Variants in STIP1 observed in about 807,000 individuals in gnomAD.
The protein encoded by STIP1 is stress induced phosphoprotein 1.
STIP1 carries 16 observed loss-of-function variants against 77.4 expected under a neutral mutation model. The observed-to-expected ratio is 0.21, with a 90% CI of 0.14 to 0.31. The LOEUF (loss-of-function observed/expected upper bound fraction) is 0.31, where lower values mean the gene tolerates loss of function less well. Among genes scored for constraint, STIP1 ranks in the 10% least tolerant of loss-of-function variants. STIP1 has a pLI of 1.00. For synonymous variants in STIP1, 258 were observed against 246.6 expected, an observed-to-expected ratio of 1.05 and a Z score of -0.44; for missense variants, 524 against 684.8, an observed-to-expected ratio of 0.77 and a Z score of 2.62.
intron 8 of STIP1, among the ~76,000 whole-genome samples, chr11:64,199,506 CA>C (rs148843567): frequency 0.13 from 13,453 of 100,318 alleles, 874 homozygotes; most frequent in Non-Finnish European, 0.19. Context: ...GACTCTATCT[CA>C]AAAAAAAAAA....
At chr11:64,185,780 C>G (rs771087974), upstream of STIP1, 37 of 1,532,374 alleles carry the variant, frequency 2.4e-5, no homozygotes. Flanking sequence ...AGTTGGCAAC[C>G]CTCCGCCCAA....
At chr11:64,198,435 A>G (rs1946175351) in intron 8 of STIP1, among the ~76,000 whole-genome samples, 1 of 151,102 alleles carries the variant, frequency 6.6e-6, no homozygotes, top group East Asian at 1.9e-4. Flanking sequence ...CTGGTCTCAA[A>G]CTCCTGACCT....
At chr11:64,199,493 C>T (rs1443328035) in intron 8 of STIP1, among the ~76,000 whole-genome samples, 4 of 123,864 alleles carry the variant, frequency 3.2e-5, no homozygotes, top group African/African-American at 6.1e-5. Flanking sequence ...GGCGACAGAG[C>T]GAGACTCTAT....
intron 1 of STIP1, among the ~76,000 whole-genome samples, chr11:64,187,311 C>T (rs927148910): frequency 6.6e-6 from 1 of 152,144 alleles, no homozygotes; most frequent in Non-Finnish European, 1.5e-5. Flanking sequence ...CTACCAACCT[C>T]CGAGAAATCA....
intron 4 of STIP1, among the ~76,000 whole-genome samples, chr11:64,195,294 A>C (rs2134794605): frequency 6.6e-6 from 1 of 152,024 alleles, no homozygotes; most frequent in East Asian, 1.9e-4. Context: ...TTGTATGTTT[A>C]GTAGTAGCGG....
chr11:64,194,148 C>T (rs755309350), intron 2 of STIP1, 41 bp from the exon 3 acceptor site: 3 of 1,585,096 alleles, frequency 1.9e-6, no homozygotes, highest in East Asian at 2.2e-5. Flanking sequence ...AGATTTACCT[C>T]TGGGTGTTCT....
chr11:64,195,008 T>C (rs1397091352), intron 4 of STIP1, among the ~76,000 whole-genome samples: 1 of 152,228 alleles, frequency 6.6e-6, no homozygotes, highest in Non-Finnish European at 1.5e-5. Flanking sequence ...ATCCTCTGGC[T>C]CCTGAGATCA....
chr11:64,204,017 G>A (rs781169775), intron 13 of STIP1, 37 bp from the exon 14 acceptor site: 3 of 1,608,868 alleles, frequency 1.9e-6, no homozygotes, highest in East Asian at 2.2e-5. Context: ...GACTTTAAAG[G>A]TTGTCTCATT....
intron 12 of STIP1, 31 bp from the exon 13 acceptor site, chr11:64,203,419 A>G (rs762711750): frequency 6.2e-6 from 10 of 1,613,044 alleles, no homozygotes; most frequent in Non-Finnish European, 7.6e-6. Flanking sequence ...TGGTCCTAAC[A>G]CGCTTCACCT....
chr11:64,199,032 T>TA (rs1259308865), intron 8 of STIP1, among the ~76,000 whole-genome samples: 1 of 150,334 alleles, frequency 6.7e-6, no homozygotes, highest in African/African-American at 2.5e-5. Context: ...ACCCCGTCTC[T>TA]ACTAAAAATA....
In STIP1 at chr11:64,194,612, C is replaced by T. The variant is rs1437379321; in HGVS notation, c.495C>T (p.Asp165=). Residue 165 remains aspartate (D), a synonymous_variant, in exon 4 of 14, where the codon GAC becomes GAT. Transcript: ENST00000305218. ...AGCAGCTACGAAACAAGCCTTCTGA[C>T]CTGGGCACGTAAGTGGACGCCGCTC... ...LIEQLRNKPS[D]LGTKLQDPRI... The T allele has an allele frequency of 6.2e-7, 1 of 1,613,718 alleles. No individual in the cohort carries two copies. The highest frequency in any genetic ancestry group is 2.2e-5 in the East Asian group (1 of 44,880).
At chr11:64,194,448 C>T (rs1436802352) in intron 3 of STIP1, 31 bp from the exon 4 acceptor site, 1 of 1,613,290 alleles carries the variant, frequency 6.2e-7, no homozygotes. Flanking sequence ...GAACTCATTT[C>T]ATAGTGATGT....
upstream of STIP1, chr11:64,185,701 C>G (rs1946003688): frequency 7.4e-7 from 1 of 1,347,108 alleles, no homozygotes. Flanking sequence ...AGCCGGTACT[C>G]CCATATATCA....
chr11:64,203,943 A>ACCC (rs1946251752), intron 13 of STIP1, 111 bp from the exon 14 acceptor site: 1 of 1,318,752 alleles, frequency 7.6e-7, no homozygotes, highest in African/African-American at 1.5e-5. Flanking sequence ...CCTCGCCAGG[A>ACCC]CCCCTCCCTG....
chr11:64,189,661 A>G (rs939228921), intron 1 of STIP1, among the ~76,000 whole-genome samples: 3 of 152,194 alleles, frequency 2.0e-5, no homozygotes, highest in Admixed American at 6.5e-5. Flanking sequence ...TCAGCAAAAC[A>G]GTATTTACTG....
chr11:64,189,886 A>AT (rs144935770), intron 1 of STIP1, among the ~76,000 whole-genome samples: 2,015 of 151,776 alleles, frequency 0.013, 46 homozygotes, highest in African/African-American at 0.046. Context: ...GGGCTCTAGG[A>AT]TTTTTTATCC....
At chr11:64,186,690 C>T (rs1200360560) in intron 1 of STIP1, among the ~76,000 whole-genome samples, 1 of 152,224 alleles carries the variant, frequency 6.6e-6, no homozygotes, top group Non-Finnish European at 1.5e-5. Flanking sequence ...AGATCTCAGA[C>T]GGCCGACGGA....
chr11:64,200,117 C>T (rs1946200892), intron 9 of STIP1, 52 bp from the exon 10 acceptor site: 14 of 1,611,220 alleles, frequency 8.7e-6, no homozygotes, highest in Admixed American at 1.7e-5. Flanking sequence ...TGGCCGGCTA[C>T]ACATGGGGGC....
chr11:64,197,671 G>GA, intron 7 of STIP1, 76 bp downstream of exon 7: 1 of 1,579,228 alleles, frequency 6.3e-7, no homozygotes, highest in South Asian at 1.1e-5. Context: ...TCTGCATGGG[G>GA]AGGAGGGCTG....
Sources: gnomAD v4.1 joint callset for allele counts (sites outside exome capture counted in the v4.1 genomes callset) on GRCh38, gnomAD v4.1.1 for gene constraint, MANE v1.5 for transcripts, NCBI Gene and HGNC (gene_info 2026-07-23, HGNC 2026-07-21) for gene names.